Variants in MAP2 observed in about 807,000 individuals in gnomAD.
MAP2 encodes the protein microtubule associated protein 2.
Under a neutral mutation model 137.6 loss-of-function variants are expected in MAP2, and 14 were observed. The observed-to-expected ratio is 0.10, with a 90% CI of 0.07 to 0.16. MAP2 has a LOEUF of 0.16. MAP2 is among the 10% of genes least tolerant of loss of function. The pLI, the probability that MAP2 is intolerant of heterozygous loss-of-function variation, is 1.00. For synonymous variants in MAP2, 786 were observed against 782.3 expected (o/e 1.00, Z -0.08); for missense variants, 2,088 against 2,191.5 (o/e 0.95, Z 0.94).
chr2:209,693,757 A>G lies in MAP2; in HGVS notation c.1587A>G (p.Glu529=). The G allele has an allele frequency of 6.2e-7, 1 of 1,613,746 alleles. No individual in the cohort carries two copies. Among genetic ancestry groups the G allele is most frequent in the South Asian group, 1.1e-5 (1 of 90,992 alleles). ...KAMTEPSALI[E]KSSIQELFEM... The stretch of plus-strand genomic sequence containing the variant: ...TGACCGAACCATCTGCATTAATTGA[A>G]AAGAGCTCAATTCAGGAACTTTTTG... Residue 529 remains glutamate (E), a synonymous_variant, in exon 8 of 16, where the codon GAA becomes GAG. Transcript: ENST00000682079.
At position 209,464,356 on chromosome 2, in the gene MAP2, G is replaced by A. The variant is rs117842675; in HGVS notation, c.-222+40080G>A. On this transcript the variant is annotated intron_variant, in intron 1 of 15. Coordinates refer to ENST00000682079, the MANE Select transcript of MAP2 (RefSeq NM_001375505.1). ...TATTTCCAACTCTTGAATTAGTTTG[G>A]TAAAAATCTCTACATGTGATTATTT... Among the ~76,000 whole-genome samples, 73 of 152,048 alleles carry A rather than the reference G, an allele frequency of 4.8e-4. 1 individual carries two copies. In the East Asian group the frequency reaches 0.014, roughly 29 times the overall value.
intron 2 of MAP2, among the ~76,000 whole-genome samples, chr2:209,553,429 T>C (rs2069712333): frequency 6.6e-6 from 1 of 152,162 alleles, no homozygotes; most frequent in Admixed American, 6.6e-5. Flanking sequence ...TGTTTATGAA[T>C]GTATGTATGG....
At position 209,441,348 on chromosome 2, in the gene MAP2, G is replaced by A. The variant is rs760294191; in HGVS notation, c.-222+17072G>A. 1.4e-4 allele frequency among the ~76,000 whole-genome samples: 21 copies of A among 150,500 alleles called. 1 individual carries two copies. Among genetic ancestry groups the A allele is most frequent in the Admixed American group, 1.1e-3 (16 of 15,072 alleles). ...GCAGTTAAGTCTTAATTCATCAGGCGTATGGATAAAACATTACTCATAAAT... is the reference window on the plus strand; with the variant it reads ...GCAGTTAAGTCTTAATTCATCAGGCATATGGATAAAACATTACTCATAAAT... On this transcript the variant is annotated intron_variant, in intron 1 of 15. Coordinates refer to ENST00000682079, the MANE Select transcript of MAP2 (RefSeq NM_001375505.1).
chr2:209,633,163 T>C (rs1006851632), intron 4 of MAP2, among the ~76,000 whole-genome samples: 2 of 152,192 alleles, frequency 1.3e-5, no homozygotes, highest in Non-Finnish European at 2.9e-5. Flanking sequence ...CACGTTTCTC[T>C]CATGTTACAA....
chr2:209,622,625 T>G (rs1434409334), intron 3 of MAP2, among the ~76,000 whole-genome samples: 3 of 152,218 alleles, frequency 2.0e-5, no homozygotes, highest in Non-Finnish European at 4.4e-5. Context: ...ATGTTAAAAC[T>G]ATGTTGTTAA....
rs1270053214 is a variant in MAP2 at position 209,700,320 on chromosome 2, G to C, written c.4566G>C (p.Gln1522His). 18 of 1,613,210 alleles carry C rather than the reference G, an allele frequency of 1.1e-5. No individual in the cohort carries two copies. The highest frequency in any genetic ancestry group is 1.4e-5 in the Non-Finnish European group (16 of 1,179,456). Residue 1522 changes from glutamine to histidine, a missense_variant, in exon 11 of 16, where the codon CAG becomes CAC. By Grantham distance (24) the Gln-to-His change is conservative (BLOSUM62 0). This residue lies in a region of MAP2 where 591 missense variants were observed against 642.6 expected (regional missense o/e 0.92). Transcript: ENST00000682079. ...CTCTGGCTCCCAGTGTATTTAAACAGGCAAAGGACAAAGTCTCTGTGAGTA... is the reference window on the plus strand; with the variant it reads ...CTCTGGCTCCCAGTGTATTTAAACACGCAAAGGACAAAGTCTCTGTGAGTA... ...ESALAPSVFK[Q>H]AKDKVSDGVT...
chr2:209,504,802 T>C (rs1240900084), intron 1 of MAP2, among the ~76,000 whole-genome samples: 1 of 152,108 alleles, frequency 6.6e-6, no homozygotes, highest in Non-Finnish European at 1.5e-5. Context: ...CTTTCCAGTG[T>C]CTCCTTTTTT....
intron 1 of MAP2, among the ~76,000 whole-genome samples, chr2:209,449,274 A>G (rs1699799993): frequency 6.6e-6 from 1 of 152,154 alleles, no homozygotes; most frequent in African/African-American, 2.4e-5. Context: ...AAGAAACAAT[A>G]GAATCAAAAA....
intron 5 of MAP2, among the ~76,000 whole-genome samples, chr2:209,674,194 A>C (rs370650188): frequency 7.9e-5 from 12 of 152,038 alleles, no homozygotes; most frequent in African/African-American, 2.9e-4. Context: ...TTATAATAAC[A>C]ATAGCCTAGT....
intron 3 of MAP2, among the ~76,000 whole-genome samples, chr2:209,595,125 A>G (rs533306490): frequency 6.6e-6 from 1 of 152,314 alleles, no homozygotes; most frequent in Admixed American, 6.5e-5. Flanking sequence ...CCTCACAGAA[A>G]GACAAAGTTG....
intron 2 of MAP2, 78 bp from the exon 3 acceptor site, chr2:209,579,958 G>C (rs2076030325): frequency 6.7e-6 from 1 of 150,190 alleles, no homozygotes; most frequent in Non-Finnish European, 1.5e-5. Context: ...TTGCTTACTG[G>C]TGAGTTATAA....
intron 13 of MAP2, 134 bp downstream of exon 13, chr2:209,710,388 T>C (rs2065018429): frequency 1.3e-6 from 1 of 760,872 alleles, no homozygotes; most frequent in Non-Finnish European, 2.1e-6. Context: ...GCTAAGAGTT[T>C]GGACTTTACA....
intron 1 of MAP2, among the ~76,000 whole-genome samples, chr2:209,497,223 C>T (rs1286457747): frequency 6.6e-6 from 1 of 152,158 alleles, no homozygotes; most frequent in Non-Finnish European, 1.5e-5. Flanking sequence ...TAAACAAAGT[C>T]ATCAGAGTGG....
intron 3 of MAP2, among the ~76,000 whole-genome samples, chr2:209,594,607 T>A (rs2153444050): frequency 6.6e-6 from 1 of 152,338 alleles, no homozygotes; most frequent in African/African-American, 2.4e-5. Flanking sequence ...TTTTTGACAA[T>A]TTTATTATTT....
chr2:209,720,235 C>CTGGT (rs2153799346), intron 13 of MAP2, among the ~76,000 whole-genome samples: 1 of 152,206 alleles, frequency 6.6e-6, no homozygotes, highest in African/African-American at 2.4e-5. Flanking sequence ...GGAAGATGAT[C>CTGGT]TGGTTGATTA....
chr2:209,513,265 A>G (rs2061991428), intron 2 of MAP2, among the ~76,000 whole-genome samples: 1 of 151,986 alleles, frequency 6.6e-6, no homozygotes, highest in South Asian at 2.1e-4. Flanking sequence ...TTCTCTTCCA[A>G]CTTGCTTCAT....
At chr2:209,649,638 T>G (rs2094646782) in intron 4 of MAP2, among the ~76,000 whole-genome samples, 1 of 152,212 alleles carries the variant, frequency 6.6e-6, no homozygotes, top group African/African-American at 2.4e-5. Flanking sequence ...AAAGTAGTTT[T>G]GTCAGAGCCA....
chr2:209,501,830 T>G (rs1181232268), intron 1 of MAP2, among the ~76,000 whole-genome samples: 1 of 151,788 alleles, frequency 6.6e-6, no homozygotes, highest in Non-Finnish European at 1.5e-5. Context: ...TTACAAAGCA[T>G]CCGCTCCTGG....
chr2:209,552,723 T>C (rs1366357151), intron 2 of MAP2, among the ~76,000 whole-genome samples: 1 of 151,882 alleles, frequency 6.6e-6, no homozygotes, highest in East Asian at 2.0e-4. Flanking sequence ...TAGCCGGGCG[T>C]TGTGGCACGC....
Sources: gnomAD v4.1 joint callset for allele counts (sites outside exome capture counted in the v4.1 genomes callset) on GRCh38, gnomAD v4.1.1 for gene constraint, gnomAD v4.1.1 regional missense constraint, MANE v1.5 for transcripts, NCBI Gene and HGNC (gene_info 2026-07-23, HGNC 2026-07-21) for gene names.